Variants in GRAMD1B observed in about 807,000 individuals in gnomAD.
The protein encoded by GRAMD1B is GRAM domain containing 1B, also known as protein Aster-B.
Under a neutral mutation model 99.7 loss-of-function variants are expected in GRAMD1B, and 37 were observed. That is an observed-to-expected ratio of 0.37 (90% confidence interval 0.29 to 0.49). The LOEUF (loss-of-function observed/expected upper bound fraction) is 0.49. Ranked by LOEUF, GRAMD1B falls within the 20% of genes least tolerant of loss-of-function variation. The probability of loss-of-function intolerance (pLI) is 0.98; values close to 1 mark genes in which losing one functional copy is unlikely to be tolerated. For missense variants in GRAMD1B, 888 were observed against 1,009.2 expected, an observed-to-expected ratio of 0.88 and a Z score of 1.63; for synonymous variants, 427 against 387.6, an observed-to-expected ratio of 1.10 and a Z score of -1.19.
chr11:123,592,668 C>T (rs751440933), intron 4 of GRAMD1B, among the ~76,000 whole-genome samples: 19 of 152,040 alleles, frequency 1.2e-4, no homozygotes, highest in Non-Finnish European at 1.9e-4. Flanking sequence ...AATATAGGGG[C>T]CAGAGGAATG....
chr11:123,411,639 A>G (rs1237947420), intron 1 of GRAMD1B, among the ~76,000 whole-genome samples: 1 of 152,144 alleles, frequency 6.6e-6, no homozygotes. Context: ...TAAGGAATTA[A>G]TTTAATTTTG....
chr11:123,434,048 G>A (rs766986550), intron 1 of GRAMD1B, among the ~76,000 whole-genome samples: 47 of 151,898 alleles, frequency 3.1e-4, no homozygotes, highest in South Asian at 1.0e-3. Context: ...TGGGCAACAC[G>A]GAGAAACACC....
chr11:123,416,450 T>C (rs1365342293), intron 1 of GRAMD1B, among the ~76,000 whole-genome samples: 1 of 152,208 alleles, frequency 6.6e-6, no homozygotes. Context: ...ATAATGATCA[T>C]AATTATACCA....
intron 1 of GRAMD1B, among the ~76,000 whole-genome samples, chr11:123,479,600 TTTA>T (rs778948359): frequency 1.3e-5 from 2 of 152,110 alleles, no homozygotes; most frequent in African/African-American, 2.4e-5. Context: ...GTAATAAGGA[TTTA>T]TTATTAATAG....
chr11:123,420,000 G>A (rs1948374178), intron 1 of GRAMD1B, among the ~76,000 whole-genome samples: 1 of 152,128 alleles, frequency 6.6e-6, no homozygotes, highest in Admixed American at 6.6e-5. Context: ...CTTCAAAAAG[G>A]AAGACTTTGT....
At chr11:123,462,893 A>AT (rs202183214) in intron 1 of GRAMD1B, among the ~76,000 whole-genome samples, 1,595 of 122,928 alleles carry the variant, frequency 0.013, 19 homozygotes, top group African/African-American at 0.027. Context: ...AAATAAATTA[A>AT]AAAAAAAAAA....
At chr11:123,590,754 G>A (rs1950563173) in intron 4 of GRAMD1B, among the ~76,000 whole-genome samples, 1 of 152,324 alleles carries the variant, frequency 6.6e-6, no homozygotes, top group South Asian at 2.1e-4. Context: ...CTGGGTGAGG[G>A]CTGTGAGTCA....
At chr11:123,400,329 T>C (rs983644751) in intron 1 of GRAMD1B, among the ~76,000 whole-genome samples, 2 of 151,872 alleles carry the variant, frequency 1.3e-5, no homozygotes, top group African/African-American at 2.4e-5. Context: ...ATACAAAAAT[T>C]AGTCAGGCAT....
At position 123,610,106 on chromosome 11, in the gene GRAMD1B, G is replaced by A; in HGVS notation, c.1777-90G>A. 8.2e-7 allele frequency: 1 copy of A among 1,214,256 alleles called. No homozygotes were observed. Among genetic ancestry groups the A allele is most frequent in the South Asian group, 1.3e-5 (1 of 75,110 alleles). 75.2% of individuals were successfully genotyped at this position (1,214,256 alleles called of 1,614,324 possible). ...GGTTCTCCTGTTCAGAAGCCGTGGGGTGGGGTGGGCTTGGGGAGGCTGGAG... is the reference window on the plus strand; with the variant it reads ...GGTTCTCCTGTTCAGAAGCCGTGGGATGGGGTGGGCTTGGGGAGGCTGGAG... On this transcript the variant is annotated intron_variant, in intron 13 of 19. Transcript: ENST00000635736. The surrounding 1 kb of genome is among the most constrained non-coding windows in gnomAD (Gnocchi z 4.1).
intron 3 of GRAMD1B, 34 bp from the exon 4 acceptor site, chr11:123,584,278 T>C: frequency 1.0e-6 from 1 of 995,856 alleles, no homozygotes; most frequent in Non-Finnish European, 1.4e-6. Context: ...CTTCCCTGAC[T>C]AATTCTACCT....
chr11:123,588,673 T>A (rs1226508235), intron 4 of GRAMD1B, among the ~76,000 whole-genome samples: 1 of 152,190 alleles, frequency 6.6e-6, no homozygotes, highest in Non-Finnish European at 1.5e-5. Context: ...AGTTTGCACG[T>A]GTGCTGGGGA....
chr11:123,533,864 T>A (rs752155319), intron 2 of GRAMD1B, among the ~76,000 whole-genome samples: 4 of 152,234 alleles, frequency 2.6e-5, no homozygotes, highest in Non-Finnish European at 4.4e-5. Context: ...CTCAAAAGTG[T>A]TTGAGCTGGT....
At chr11:123,562,624 C>T (rs1001972447) in intron 2 of GRAMD1B, among the ~76,000 whole-genome samples, 2 of 152,112 alleles carry the variant, frequency 1.3e-5, no homozygotes, top group South Asian at 2.1e-4. Flanking sequence ...ACTATTCTTG[C>T]GTCCAGATAA....
intron 1 of GRAMD1B, among the ~76,000 whole-genome samples, chr11:123,446,354 T>C (rs1447904842): frequency 1.3e-5 from 2 of 152,152 alleles, no homozygotes; most frequent in African/African-American, 2.4e-5. Flanking sequence ...TTAGTAGAGA[T>C]GGGGTTTCAC....
At chr11:123,493,751 AG>A (rs796856610) in intron 2 of GRAMD1B, among the ~76,000 whole-genome samples, 136 of 152,306 alleles carry the variant, frequency 8.9e-4, no homozygotes, top group African/African-American at 3.0e-3. Context: ...CTTTGTAAAC[AG>A]CTTCAGTAGA....
In GRAMD1B at chr11:123,594,758, G is replaced by T; in HGVS notation, c.793G>T (p.Asp265Tyr). The change falls in exon 6 of 20, where the codon GAC (aspartate) becomes TAC (tyrosine). Residue 265 changes from aspartate (D) to tyrosine (Y), a missense_variant. Coordinates refer to ENST00000635736, the MANE Select transcript of GRAMD1B (RefSeq NM_001387025.1). ...IVDYSCALQRDILLQGRLYLS... is the reference protein window; with the variant it reads ...IVDYSCALQRYILLQGRLYLS... ...AGATTACTCATGTGCACTCCAAAGA[G>T]ACATTCTCCTTCAGGGCCGACTCTA... 6.3e-7 allele frequency: 1 copy of T among 1,596,590 alleles called. No homozygotes were observed. The highest frequency in any genetic ancestry group is 8.6e-7 in the Non-Finnish European group (1 of 1,164,090).
rs113314571 is a variant in GRAMD1B at position 123,499,649 on chromosome 11, C to A, written c.452+18756C>A. 5.3e-3 allele frequency among the ~76,000 whole-genome samples: 809 copies of A among 152,256 alleles called. 15 individuals carry two copies. Among genetic ancestry groups the A allele is most frequent in the African/African-American group, 0.019 (778 of 41,552 alleles). On this transcript the variant is annotated intron_variant, in intron 2 of 19. Transcript: ENST00000635736. ...TTTTTCTTTGCCATTTCTCCTTAGT[C>A]TGAAGGTGAAGCTCTTCCACTGAGA...
At chr11:123,533,628 T>C (rs1478451916) in intron 2 of GRAMD1B, among the ~76,000 whole-genome samples, 1 of 152,136 alleles carries the variant, frequency 6.6e-6, no homozygotes, top group Non-Finnish European at 1.5e-5. Context: ...GATTTCACCA[T>C]GTTGACCAGG....
intron 1 of GRAMD1B, among the ~76,000 whole-genome samples, chr11:123,371,531 G>C (rs987982072): frequency 6.6e-6 from 1 of 151,996 alleles, no homozygotes; most frequent in East Asian, 1.9e-4. Context: ...TGAACTTTTA[G>C]GCCCATGAAG....
Sources: gnomAD v4.1 joint callset for allele counts (sites outside exome capture counted in the v4.1 genomes callset) on GRCh38, gnomAD v4.1.1 for gene constraint, Gnocchi (gnomAD v3.1) non-coding constraint, MANE v1.5 for transcripts, NCBI Gene and HGNC (gene_info 2026-07-23, HGNC 2026-07-21) for gene names.